ZCCHC24: variants seen among roughly 807,000 people sequenced by gnomAD.
ZCCHC24 encodes the protein zinc finger CCHC domain-containing protein 24.
ZCCHC24 carries 10 observed loss-of-function variants against 26.2 expected under a neutral mutation model. That is an observed-to-expected ratio of 0.38 (90% CI 0.24 to 0.65). ZCCHC24 has a LOEUF of 0.65. ZCCHC24 is among the 30% of genes least tolerant of loss of function. The probability of loss-of-function intolerance (pLI) is 0.54; values close to 1 mark genes in which losing one functional copy is unlikely to be tolerated. For synonymous variants in ZCCHC24, 144 were observed against 147.1 expected (o/e 0.98, Z 0.15); for missense variants, 243 against 329.1 (o/e 0.74, Z 2.03).
chr10:79,443,299 A>G (rs1241665003), intron 1 of ZCCHC24, among the ~76,000 whole-genome samples: 1 of 152,222 alleles, frequency 6.6e-6, no homozygotes, highest in Non-Finnish European at 1.5e-5. Flanking sequence ...TTCAAAAAGC[A>G]GCACAACATC....
chr10:79,400,611 A>T lies in ZCCHC24; in HGVS notation c.448-6171T>A, dbSNP rs548941026. Among the ~76,000 whole-genome samples, 90 of 152,248 alleles carry T rather than the reference A, an allele frequency of 5.9e-4. 1 individual carries two copies. Among genetic ancestry groups the T allele is most frequent in the African/African-American group, 2.1e-3 (88 of 41,542 alleles). On this transcript the variant is annotated intron_variant, in intron 2 of 3. Coordinates refer to ENST00000372336, the MANE Select transcript of ZCCHC24 (RefSeq NM_153367.4). Reference sequence around the variant, plus strand: ...ATGAGTGGGTATGGCTTGGAAGAAGATGGTAGCCAGCCCACTCCCTGGCCT... The same window carrying T: ...ATGAGTGGGTATGGCTTGGAAGAAGTTGGTAGCCAGCCCACTCCCTGGCCT...
Position 79,385,830 on chromosome 10 carries a change from G to A in ZCCHC24, c.*515C>T, listed in dbSNP as rs747749904. 2.2e-4 allele frequency: 50 copies of A among 226,716 alleles called. No homozygotes were observed. The highest frequency in any genetic ancestry group is 1.1e-4 in the Admixed American group (2 of 18,422). 14.0% of individuals were successfully genotyped at this position (226,716 alleles called of 1,614,324 possible). ...GGACAGAGAGGTCCACTCCCCAGCCGCTGTTGGAACACATGTCCCCTTGCC... is the reference window on the plus strand; with the variant it reads ...GGACAGAGAGGTCCACTCCCCAGCCACTGTTGGAACACATGTCCCCTTGCC... On this transcript the variant is annotated 3_prime_UTR_variant, in exon 4 of 4. Transcript: ENST00000372336. The surrounding 1 kb of genome is among the most constrained non-coding windows in gnomAD (Gnocchi z 4.3).
intron 2 of ZCCHC24, chr10:79,403,325 G>A (rs1589663889): frequency 1.1e-6 from 1 of 910,514 alleles, no homozygotes; most frequent in Non-Finnish European, 1.3e-6. Flanking sequence ...CTCGAGACAG[G>A]GGCAGCAAGT....
intron 2 of ZCCHC24, among the ~76,000 whole-genome samples, chr10:79,396,416 C>T (rs927744423): frequency 6.6e-6 from 1 of 152,190 alleles, no homozygotes; most frequent in African/African-American, 2.4e-5. Flanking sequence ...GTCTAGAATC[C>T]TTGCTGGTTG....
intron 2 of ZCCHC24, among the ~76,000 whole-genome samples, chr10:79,428,432 A>AAAGAGCTCTG: frequency 3.9e-5 from 2 of 50,790 alleles, no homozygotes; most frequent in African/African-American, 3.3e-4. Flanking sequence ...TGCAAGATAA[A>AAAGAGCTCTG]TTTCAGTTTT....
chr10:79,420,150 T>A (rs1028327948), intron 2 of ZCCHC24, among the ~76,000 whole-genome samples: 39 of 143,954 alleles, frequency 2.7e-4, no homozygotes, highest in African/African-American at 9.5e-4. Context: ...ATAGGGGAAC[T>A]GACAGCCCAC....
In ZCCHC24 at chr10:79,445,392, G is replaced by T. The variant is rs984635125; in HGVS notation, c.49C>A (p.Pro17Thr). The change falls in exon 1 of 4, where the codon CCC becomes ACC. Residue 17 changes from proline (P) to threonine (T), a missense_variant. Coordinates refer to ENST00000372336, the MANE Select transcript of ZCCHC24 (RefSeq NM_153367.4). ...TAGACCCAGTTGAGCAGCTGGGCGG[G>T]CTGGTACACCGAGGCGGCGCTCGTG... ...IDTSAASVYQ[P>T]AQLLNWVYLS... 2 of 1,513,642 alleles carry T rather than the reference G, an allele frequency of 1.3e-6. No homozygotes were observed. Among genetic ancestry groups the T allele is most frequent in the Non-Finnish European group, 1.8e-6 (2 of 1,130,812 alleles). The allele number at this position is 1,513,642 out of a possible 1,614,324, so 93.8% of individuals were successfully genotyped here. A position where few individuals can be genotyped will look rare whatever the true frequency, so the allele number is the denominator to read the frequency against.
intron 2 of ZCCHC24, among the ~76,000 whole-genome samples, chr10:79,425,904 G>A (rs887606870): frequency 6.6e-6 from 1 of 152,168 alleles, no homozygotes; most frequent in African/African-American, 2.4e-5. Flanking sequence ...ATCCTTCTTG[G>A]TTCAGTGCTG....
At chr10:79,408,412 G>A (rs1856746611) in intron 2 of ZCCHC24, among the ~76,000 whole-genome samples, 2 of 152,184 alleles carry the variant, frequency 1.3e-5, no homozygotes, top group Non-Finnish European at 2.9e-5. Context: ...GATCCCGCTT[G>A]TTGTCTGCAG....
intron 2 of ZCCHC24, among the ~76,000 whole-genome samples, chr10:79,414,970 C>G (rs1328981358): frequency 6.6e-6 from 1 of 152,186 alleles, no homozygotes; most frequent in Non-Finnish European, 1.5e-5. Context: ...AATGTCAGGC[C>G]TCCCAAGCCT....
At chr10:79,410,388 C>T (rs1048374627) in intron 2 of ZCCHC24, among the ~76,000 whole-genome samples, 5 of 152,240 alleles carry the variant, frequency 3.3e-5, no homozygotes, top group African/African-American at 7.2e-5. Flanking sequence ...AATAAATACA[C>T]GATGACCAGT....
rs61859928 is a variant in ZCCHC24, at chr10:79,384,442, G to C, written c.*1903C>G. 0.022 allele frequency: 3,349 copies of C among 152,528 alleles called. 54 individuals carry two copies. The highest frequency in any genetic ancestry group is 0.031 in the Non-Finnish European group (2,119 of 68,106). The allele number at this position is 152,528 out of a possible 1,614,324, so 9.4% of individuals were successfully genotyped here. ...ACTGTCAGTGGCAGCTTCTCCTTGGGACAGAAGCCTGGGCCGGGGCCAACC... is the reference window on the plus strand; with the variant it reads ...ACTGTCAGTGGCAGCTTCTCCTTGGCACAGAAGCCTGGGCCGGGGCCAACC... On this transcript the variant is annotated 3_prime_UTR_variant, in exon 4 of 4. Coordinates refer to ENST00000372336, the MANE Select transcript of ZCCHC24 (RefSeq NM_153367.4).
At chr10:79,444,264 G>A (rs1857329431) in intron 1 of ZCCHC24, 2 of 1,443,844 alleles carry the variant, frequency 1.4e-6, no homozygotes, top group South Asian at 1.5e-5. Flanking sequence ...AGGGAGGGGA[G>A]GAGTCCAGCC....
chr10:79,405,925 T>C (rs897591419), intron 2 of ZCCHC24, among the ~76,000 whole-genome samples: 1 of 152,258 alleles, frequency 6.6e-6, no homozygotes, highest in African/African-American at 2.4e-5. Flanking sequence ...CAAGAGGCTG[T>C]GGGCGTGACT....
chr10:79,434,281 C>A (rs1170423253), intron 1 of ZCCHC24, among the ~76,000 whole-genome samples: 1 of 152,166 alleles, frequency 6.6e-6, no homozygotes, highest in Non-Finnish European at 1.5e-5. Flanking sequence ...CACTGCCTGG[C>A]CCGACCACCA....
At position 79,385,916 on chromosome 10, in the gene ZCCHC24, G is replaced by T; in HGVS notation, c.*429C>A. 1 of 396,256 alleles carries T rather than the reference G, an allele frequency of 2.5e-6. No homozygotes were observed. Among genetic ancestry groups the T allele is most frequent in the Non-Finnish European group, 4.5e-6 (1 of 222,636 alleles). The allele number at this position is 396,256 out of a possible 1,614,324, so 24.5% of individuals were successfully genotyped here. A position where few individuals can be genotyped will look rare whatever the true frequency, so the allele number is the denominator to read the frequency against. Reference sequence around the variant, plus strand: ...GTGGCTTTCCATACAGGGCAAACCGGAAGGTTCTGGGTGGGGGCAGGCGGC... The same window carrying T: ...GTGGCTTTCCATACAGGGCAAACCGTAAGGTTCTGGGTGGGGGCAGGCGGC... On this transcript the variant is annotated 3_prime_UTR_variant, in exon 4 of 4. Coordinates refer to ENST00000372336, the MANE Select transcript of ZCCHC24 (RefSeq NM_153367.4). This position sits in a 1 kb window ranked among gnomAD's most constrained non-coding sequence, Gnocchi z 4.3.
intron 2 of ZCCHC24, among the ~76,000 whole-genome samples, chr10:79,424,369 G>C (rs1856998279): frequency 6.6e-6 from 1 of 152,256 alleles, no homozygotes; most frequent in African/African-American, 2.4e-5. Flanking sequence ...TTATGCACGT[G>C]TATTTGTATC....
In ZCCHC24 at chr10:79,386,373, A is replaced by G. The variant is rs766636224; in HGVS notation, c.698T>C (p.Leu233Pro). ...CTGCACGCGACGGCAGTAGTAGCCC[A>G]GGACCTTGCACTTCTCGCAGAGGTG... ...PQHLCEKCKV[L>P]GYYCRRVQ The change falls in exon 4 of 4, where the codon CTG becomes CCG. Residue 233 changes from leucine (L) to proline (P), a missense_variant. By Grantham distance (98) the Leu-to-Pro change is moderately conservative (BLOSUM62 -3). Coordinates refer to ENST00000372336, the MANE Select transcript of ZCCHC24 (RefSeq NM_153367.4). 6.2e-7 allele frequency: 1 copy of G among 1,613,434 alleles called. No individual in the cohort carries two copies. Among genetic ancestry groups the G allele is most frequent in the East Asian group, 2.2e-5 (1 of 44,868 alleles).
chr10:79,391,187 G>A (rs1856474889), intron 3 of ZCCHC24, among the ~76,000 whole-genome samples: 1 of 152,172 alleles, frequency 6.6e-6, no homozygotes, highest in African/African-American at 2.4e-5. Flanking sequence ...AAGAGGGGAA[G>A]GGCCCAGCCA....
Sources: gnomAD v4.1 joint callset for allele counts (sites outside exome capture counted in the v4.1 genomes callset) on GRCh38, gnomAD v4.1.1 for gene constraint, Gnocchi (gnomAD v3.1) non-coding constraint, MANE v1.5 for transcripts, NCBI Gene and HGNC (gene_info 2026-07-23, HGNC 2026-07-21) for gene names.